The following LACC1 variants were observed in gnomAD, a reference collection of about 807,000 sequenced individuals.
The protein encoded by LACC1 is laccase domain multifunctional purine nucleosidase 1.
A neutral mutation model predicts 34.8 loss-of-function variants in LACC1; 25 were observed. The observed-to-expected ratio is 0.72, with a 90% CI of 0.52 to 1.00. LACC1 has a LOEUF of 1.00. LACC1 is among the 50% of genes least tolerant of loss of function. The pLI, the probability that LACC1 is intolerant of heterozygous loss-of-function variation, is 0.00. For missense variants in LACC1, 426 were observed against 511.2 expected (o/e 0.83, Z 1.61); for synonymous variants, 162 against 168.0 (o/e 0.96, Z 0.28).
chr13:43,883,455 A>G (rs1224920186), intron 3 of LACC1, among the ~76,000 whole-genome samples: 2 of 152,184 alleles, frequency 1.3e-5, no homozygotes, highest in African/African-American at 2.4e-5. Context: ...AAAAATTTTC[A>G]TTTTGTAGAA....
Position 43,886,188 on chromosome 13 carries a change from G to T in LACC1, c.907+2252G>T, listed in dbSNP as rs143644571. Among the ~76,000 whole-genome samples the T allele has an allele frequency of 3.9e-5, 6 of 152,282 alleles. No homozygotes were observed. In the East Asian group the frequency reaches 1.2e-3, roughly 29 times the overall value. ...TAAATTAGTTCAGCCACTGTGGAAA[G>T]CAGTTTGTATATTTCTCAAAGAACT... On this transcript the variant is annotated intron_variant, in intron 4 of 6. Transcript: ENST00000325686.
chr13:43,881,609 G>A, intron 2 of LACC1, 62 bp downstream of exon 2: 3 of 1,244,274 alleles, frequency 2.4e-6, no homozygotes, highest in Non-Finnish European at 1.1e-6. Context: ...TTCTTCAGAG[G>A]TAGTTCACCT....
chr13:43,885,614 G>A (rs1955281745), intron 4 of LACC1, among the ~76,000 whole-genome samples: 1 of 151,748 alleles, frequency 6.6e-6, no homozygotes, highest in African/African-American at 2.4e-5. Flanking sequence ...ACTCAACATG[G>A]GTTAAAGACT....
intron 3 of LACC1, 66 bp downstream of exon 3, chr13:43,882,429 G>T: frequency 8.3e-7 from 1 of 1,206,776 alleles, no homozygotes; most frequent in Non-Finnish European, 1.2e-6. Context: ...TAACTACATG[G>T]ACTTTAAGCT....
chr13:43,891,070 G>A (rs1267708537), intron 6 of LACC1, among the ~76,000 whole-genome samples: 3 of 152,170 alleles, frequency 2.0e-5, no homozygotes, highest in Admixed American at 6.5e-5. Context: ...GTACAGCATG[G>A]ATAACATAAA....
chr13:43,882,499 T>C lies in LACC1; in HGVS notation c.741+136T>C, dbSNP rs2138283746. 5.0e-6 allele frequency: 3 copies of C among 597,082 alleles called. No homozygotes were observed. The South Asian group carries it at 6.7e-5, about 13-fold the overall frequency. 37.0% of individuals were successfully genotyped at this position (597,082 alleles called of 1,614,324 possible). Reference sequence around the variant, plus strand: ...TTTAGAATAATGCTGTGGTTGTCTTTCTTAGATTTATACACCATAGCCTAA... The same window carrying C: ...TTTAGAATAATGCTGTGGTTGTCTTCCTTAGATTTATACACCATAGCCTAA... On this transcript the variant is annotated intron_variant, in intron 3 of 6. Transcript: ENST00000325686.
At chr13:43,881,675 A>AGTG in intron 2 of LACC1, 128 bp downstream of exon 2, 1 of 704,318 alleles carries the variant, frequency 1.4e-6, no homozygotes, top group Non-Finnish European at 2.3e-6. Flanking sequence ...CATTAGCATC[A>AGTG]GTGGCAACAC....
At chr13:43,882,643 A>C (rs964037058) in intron 3 of LACC1, among the ~76,000 whole-genome samples, 1 of 149,638 alleles carries the variant, frequency 6.7e-6, no homozygotes, top group African/African-American at 2.4e-5. Context: ...AGAAATTGTG[A>C]CTTTAAGTGA....
rs779264970 is a variant in LACC1 at position 43,881,301 on chromosome 13, A to G, written c.316A>G (p.Ile106Val). The change falls in exon 2 of 7, where the codon ATT becomes GTT. Residue 106 changes from isoleucine (I) to valine (V), a missense_variant. Ile to Val is a conservative substitution (Grantham distance 29). This residue lies in a region of LACC1 where 217 missense variants were observed against 210.9 expected (regional missense o/e 1.03). Transcript: ENST00000325686. ...DEKNLSSIKV[I>V]VPRHRKTLMK... The stretch of plus-strand genomic sequence containing the variant: ...AAAAAATCTGAGCAGCATTAAGGTA[A>G]TTGTACCCAGGCACAGGAAGACATT... The G allele has an allele frequency of 8.1e-6, 13 of 1,613,976 alleles. No individual in the cohort carries two copies. Among genetic ancestry groups the G allele is most frequent in the Admixed American group, 6.7e-5 (4 of 59,988 alleles).
chr13:43,881,243 C>T lies in LACC1; in HGVS notation c.258C>T (p.Ala86=). ...TTGTTAGCTGTCCCAGCATGGCTGC[C>T]ACTTTGTATACCATTAAACAGAAAA... ...FEIVSCPSMA[A]TLYTIKQKID... Residue 86 remains alanine, a synonymous_variant, in exon 2 of 7, where the codon GCC becomes GCT. Coordinates refer to ENST00000325686, the MANE Select transcript of LACC1 (RefSeq NM_153218.4). The T allele has an allele frequency of 6.2e-7, 1 of 1,614,166 alleles. No homozygotes were observed. Among genetic ancestry groups the T allele is most frequent in the Non-Finnish European group, 8.5e-7 (1 of 1,180,022 alleles).
rs1470782521 is a variant in LACC1 at position 43,879,936 on chromosome 13, C to G, written c.-218C>G. ...TTGAGGCTCAGGACGAGGGACGGGG[C>G]GGCAAATTGTCACAGAGGTCGCCGT... is the stretch of plus-strand genomic sequence containing the variant. On this transcript the variant is annotated 5_prime_UTR_variant, in exon 1 of 7. Coordinates refer to ENST00000325686, the MANE Select transcript of LACC1 (RefSeq NM_153218.4). The G allele has an allele frequency of 6.6e-6, 1 of 152,540 alleles. No individual in the cohort carries two copies. The highest frequency in any genetic ancestry group is 1.5e-5 in the Non-Finnish European group (1 of 68,320). 9.4% of individuals were successfully genotyped at this position (152,540 alleles called of 1,614,324 possible). A position where few individuals can be genotyped will look rare whatever the true frequency, so the allele number is the denominator to read the frequency against.
At chr13:43,885,035 A>C (rs1955248024) in intron 4 of LACC1, among the ~76,000 whole-genome samples, 1 of 152,240 alleles carries the variant, frequency 6.6e-6, no homozygotes, top group African/African-American at 2.4e-5. Context: ...CTAGGAATAC[A>C]GTTACCTTAA....
intron 3 of LACC1, 71 bp downstream of exon 3, chr13:43,882,434 T>C: frequency 8.6e-7 from 1 of 1,162,048 alleles, no homozygotes; most frequent in East Asian, 2.5e-5. Flanking sequence ...ACATGGACTT[T>C]AAGCTATTTA....
intron 4 of LACC1, among the ~76,000 whole-genome samples, chr13:43,884,897 A>G (rs1300893301): frequency 6.6e-6 from 1 of 152,204 alleles, no homozygotes; most frequent in African/African-American, 2.4e-5. Flanking sequence ...TAAAAAGAGG[A>G]TATTATTTTT....
chr13:43,889,076 A>G lies in LACC1; in HGVS notation c.1133+94A>G. 5 of 984,342 alleles carry G rather than the reference A, an allele frequency of 5.1e-6. No homozygotes were observed. In the Admixed American group the frequency reaches 5.7e-5, roughly 11 times the overall value. The allele number at this position is 984,342 out of a possible 1,614,324, so 61.0% of individuals were successfully genotyped here. On this transcript the variant is annotated intron_variant, in intron 5 of 6. Coordinates refer to ENST00000325686, the MANE Select transcript of LACC1 (RefSeq NM_153218.4). ...AGAACAATTAATAACTCTAAGAAGA[A>G]TTTAGGTGGTGGTTATTTAAGCAGC... is the stretch of plus-strand genomic sequence containing the variant.
At position 43,881,529 on chromosome 13, in the gene LACC1, ACTT is replaced by A; in HGVS notation, c.551_553del (p.Ser184del). 8 of 1,602,026 alleles carry A rather than the reference ACTT, an allele frequency of 5.0e-6. No individual in the cohort carries two copies. The highest frequency in any genetic ancestry group is 1.1e-5 in the South Asian group (1 of 89,944). ...ACTGAGAGGAAAATTAACTATTATC[ACTT>A]CTTCTTTGATCCCAGGTATATTAAC... On this transcript the variant is annotated inframe_deletion, in exon 2 of 7. Coordinates refer to ENST00000325686, the MANE Select transcript of LACC1 (RefSeq NM_153218.4).
chr13:43,882,149 A>C, intron 2 of LACC1, 36 bp from the exon 3 acceptor site: 1 of 1,520,188 alleles, frequency 6.6e-7, no homozygotes, highest in Non-Finnish European at 9.0e-7. Flanking sequence ...TATTTTGAAT[A>C]GCATCTTTTA....
intron 5 of LACC1, 121 bp from the exon 6 acceptor site, chr13:43,889,992 AC>A (rs1566970462): frequency 1.3e-6 from 1 of 751,632 alleles, no homozygotes. Context: ...ATAACAATAT[AC>A]ATTGTTCTAG....
At chr13:43,886,086 T>C (rs780430808) in intron 4 of LACC1, among the ~76,000 whole-genome samples, 3 of 152,054 alleles carry the variant, frequency 2.0e-5, no homozygotes, top group Admixed American at 1.3e-4. Flanking sequence ...ATGGCTGTTA[T>C]AAAAAAAGTC....
Sources: gnomAD v4.1 joint callset for allele counts (sites outside exome capture counted in the v4.1 genomes callset) on GRCh38, gnomAD v4.1.1 for gene constraint, gnomAD v4.1.1 regional missense constraint, MANE v1.5 for transcripts, NCBI Gene and HGNC (gene_info 2026-07-23, HGNC 2026-07-21) for gene names.